AP3B2: variants seen among roughly 807,000 people sequenced by gnomAD.
AP3B2 encodes adaptor related protein complex 3 subunit beta 2.
AP3B2 carries 50 observed loss-of-function variants against 126.9 expected under a neutral mutation model. The ratio of observed to expected loss-of-function variants is 0.39; its 90% CI spans 0.31 to 0.50. The LOEUF is 0.50. Ranked by LOEUF, AP3B2 falls within the 20% of genes least tolerant of loss-of-function variation. AP3B2 has a pLI of 0.79. For missense variants in AP3B2, 1,177 were observed against 1,426.4 expected (o/e 0.83, Z 2.82); for synonymous variants, 541 against 565.0 (o/e 0.96, Z 0.60).
chr15:82,663,873 G>A lies in AP3B2; in HGVS notation c.2364C>T (p.Ser788=). 1.2e-6 allele frequency: 2 copies of A among 1,613,850 alleles called. No individual in the cohort carries two copies. Among genetic ancestry groups the A allele is most frequent in the Non-Finnish European group, 1.7e-6 (2 of 1,179,878 alleles). ...SSDEGSDSSS[S]SSESEMTSES... is the part of the protein sequence containing the mutation. ...CCGATGTCATCTCGGACTCTGATGA[G>A]CTACTGCTGGAATCGCTGCCCTCAT... The change falls in exon 20 of 27, where the codon AGC becomes AGT. Residue 788 remains serine (S), a synonymous_variant. Transcript: ENST00000535359.
At position 82,662,243 on chromosome 15, in the gene AP3B2, G is replaced by A. The variant is rs749084932; in HGVS notation, c.2843C>T (p.Ala948Val). 8.8e-6 allele frequency: 14 copies of A among 1,597,094 alleles called. No individual in the cohort carries two copies. Among genetic ancestry groups the A allele is most frequent in the Non-Finnish European group, 1.2e-5 (14 of 1,171,298 alleles). The change falls in exon 24 of 27, where the codon GCA (alanine) becomes GTA (valine). Residue 948 changes from alanine (A) to valine (V), a missense_variant. Coordinates refer to ENST00000535359, the MANE Select transcript of AP3B2 (RefSeq NM_001278512.2). ...TACAGCAGTGGCAGATTCTCCAGGT[G>A]CCAGGGACTCTGAAGTGGTATAAGG... The part of the protein sequence containing the change: ...IQEFPEIESL[A>V]PGESATAVMG...
Position 82,678,116 on chromosome 15 carries a change from G to A in AP3B2, c.1234C>T (p.Arg412Trp), listed in dbSNP as rs759502011. 38 of 1,613,844 alleles carry A rather than the reference G, an allele frequency of 2.4e-5. No individual in the cohort carries two copies. The highest frequency in any genetic ancestry group is 5.3e-5 in the African/African-American group (4 of 75,062). The change falls in exon 11 of 27, where the codon CGG becomes TGG. Residue 412 changes from arginine (R) to tryptophan (W), a missense_variant. Arg to Trp is a moderately radical substitution (Grantham distance 101, BLOSUM62 -3). This residue lies in a region of AP3B2 where 308 missense variants were observed against 452.4 expected (regional missense o/e 0.68). Transcript: ENST00000535359. ...ANETNIPTVL[R>W]EFQTYIRSMD... ...GAGCTGGCCTGTACCTGGAATTCCC[G>A]TAGGACAGTAGGAATGTTGGTCTCA... is the stretch of plus-strand genomic sequence containing the variant.
chr15:82,669,683 T>G (rs1187760029), intron 14 of AP3B2, among the ~76,000 whole-genome samples: 1 of 110,252 alleles, frequency 9.1e-6, no homozygotes, highest in Non-Finnish European at 1.9e-5. Flanking sequence ...AGAGCAAGAC[T>G]CCGTTTCAAA....
chr15:82,696,256 T>C (rs570504684), intron 1 of AP3B2, among the ~76,000 whole-genome samples: 7 of 152,170 alleles, frequency 4.6e-5, no homozygotes, highest in African/African-American at 1.4e-4. Context: ...AGGAAAAATA[T>C]TTGGGATATG....
At chr15:82,690,642 CTTTTTTTTTTTTTTTT>C (rs147811093) in intron 1 of AP3B2, among the ~76,000 whole-genome samples, 2 of 68,928 alleles carry the variant, frequency 2.9e-5, no homozygotes, top group African/African-American at 1.3e-4. Context: ...TTTTCTTCTT[CTTTTTTTTTTTTTTTT>C]TTTTTTTTTT....
At position 82,707,799 on chromosome 15, in the gene AP3B2, A is replaced by T. The variant is rs565026590; in HGVS notation, c.113+1795T>A. 7.2e-5 allele frequency among the ~76,000 whole-genome samples: 11 copies of T among 152,152 alleles called. No homozygotes were observed. The South Asian group carries it at 2.3e-3, about 32-fold the overall frequency. On this transcript the variant is annotated intron_variant, in intron 1 of 26. Transcript: ENST00000535359. The stretch of plus-strand genomic sequence containing the variant: ...CATCACCAATAATCCTATACAACAA[A>T]TGTTTCTTCTAACAACCCCACAATA...
chr15:82,682,500 T>G (rs1225732326), intron 4 of AP3B2, among the ~76,000 whole-genome samples: 1 of 152,148 alleles, frequency 6.6e-6, no homozygotes, highest in Non-Finnish European at 1.5e-5. Flanking sequence ...GGAGATATTG[T>G]GGGTTTGATT....
chr15:82,692,282 G>C lies in AP3B2; in HGVS notation c.114-2829C>G, dbSNP rs191718550. 1.8e-5 allele frequency: 13 copies of C among 741,508 alleles called. No individual in the cohort carries two copies. In the East Asian group the frequency reaches 3.7e-4, roughly 21 times the overall value. 45.9% of individuals were successfully genotyped at this position (741,508 alleles called of 1,614,324 possible). A position where few individuals can be genotyped will look rare whatever the true frequency, so the allele number is the denominator to read the frequency against. ...TCTTGCGGATCCGGCCGTACTTGTA[G>C]AAAAGGTCTTCCACGTCCTTCTCGC... On this transcript the variant is annotated intron_variant, in intron 1 of 26. Coordinates refer to ENST00000535359, the MANE Select transcript of AP3B2 (RefSeq NM_001278512.2).
Position 82,681,103 on chromosome 15 carries a change from T to C in AP3B2, c.588+9A>G, listed in dbSNP as rs768903058. On this transcript the variant is annotated intron_variant, in intron 6 of 26. Coordinates refer to ENST00000535359, the MANE Select transcript of AP3B2 (RefSeq NM_001278512.2). The surrounding 1 kb of genome is among the most constrained non-coding windows in gnomAD (Gnocchi z 4.0). ...CACCACCCCTCCCGGAGCGCCCCTA[T>C]ACACGCACCGTGGTCTTGTCAGCCA... is the stretch of plus-strand genomic sequence containing the variant. 2.5e-6 allele frequency: 4 copies of C among 1,613,488 alleles called. No individual in the cohort carries two copies. The highest frequency in any genetic ancestry group is 3.4e-6 in the Non-Finnish European group (4 of 1,179,774).
chr15:82,669,247 A>G (rs2048109110), intron 14 of AP3B2, among the ~76,000 whole-genome samples: 1 of 152,256 alleles, frequency 6.6e-6, no homozygotes, highest in African/African-American at 2.4e-5. Flanking sequence ...GACAGGAGAA[A>G]GAAATAAAGG....
chr15:82,685,471 C>T (rs1357903549), intron 4 of AP3B2: 1 of 152,200 alleles, frequency 6.6e-6, no homozygotes, highest in Non-Finnish European at 1.5e-5. Flanking sequence ...AGACAAGATC[C>T]TCACAATTGC....
intron 13 of AP3B2, among the ~76,000 whole-genome samples, 165 bp downstream of exon 13, chr15:82,677,107 CAG>C (rs1372056952): frequency 2.0e-5 from 3 of 152,190 alleles, no homozygotes; most frequent in Admixed American, 2.0e-4. Context: ...GAAAGCAAAT[CAG>C]GGGTAACAAG....
Position 82,662,874 on chromosome 15 carries a change from C to T in AP3B2, c.2653G>A (p.Val885Ile). The T allele has an allele frequency of 9.9e-6, 16 of 1,613,598 alleles. No homozygotes were observed. Among genetic ancestry groups the T allele is most frequent in the Non-Finnish European group, 1.4e-5 (16 of 1,179,788 alleles). The change falls in exon 23 of 27, where the codon GTA becomes ATA. Residue 885 changes from valine (V) to isoleucine (I), a missense_variant. By Grantham distance (29) the Val-to-Ile change is conservative. Around this residue, in one of 5 missense-constraint regions of AP3B2, gnomAD observed 587 missense variants for 571.3 expected, o/e 1.03. Transcript: ENST00000535359. ...GVGRQELLHR[V>I]AGEGLAVDYT... ...TCCACAGCCAGCCCCTCGCCAGCTA[C>T]CCGGTGCAGCAGCTCCTGCCGCCCA...
chr15:82,679,215 C>T (rs773352260), intron 10 of AP3B2, among the ~76,000 whole-genome samples: 30 of 152,316 alleles, frequency 2.0e-4, no homozygotes, highest in African/African-American at 5.8e-4. Flanking sequence ...CCTCTGTCTC[C>T]CAGGTTCAGG....
intron 24 of AP3B2, 22 bp from the exon 25 acceptor site, chr15:82,661,944 G>A (rs756899101): frequency 1.6e-5 from 25 of 1,600,382 alleles, no homozygotes; most frequent in East Asian, 2.2e-5. Context: ...GGGAGGAAAC[G>A]GAGAAGAATT....
chr15:82,664,316 C>G lies in AP3B2; in HGVS notation c.2261+51G>C. 1 of 1,611,876 alleles carries G rather than the reference C, an allele frequency of 6.2e-7. No homozygotes were observed. The highest frequency in any genetic ancestry group is 8.5e-7 in the Non-Finnish European group (1 of 1,179,626). ...CTAAAGCTCAATGCTAGCCCTCTTT[C>G]CAGGAAAGCCCCCTGAACCCCACCA... On this transcript the variant is annotated intron_variant, in intron 19 of 26. Transcript: ENST00000535359. This position sits in a 1 kb window ranked among gnomAD's most constrained non-coding sequence, Gnocchi z 4.5.
At position 82,681,729 on chromosome 15, in the gene AP3B2, G is replaced by C; in HGVS notation, c.361-149C>G. 1.2e-6 allele frequency: 1 copy of C among 820,424 alleles called. No homozygotes were observed. The highest frequency in any genetic ancestry group is 1.9e-6 in the Non-Finnish European group (1 of 537,742). The allele number at this position is 820,424 out of a possible 1,614,324, so 50.8% of individuals were successfully genotyped here. On this transcript the variant is annotated intron_variant, in intron 4 of 26. Coordinates refer to ENST00000535359, the MANE Select transcript of AP3B2 (RefSeq NM_001278512.2). This position sits in a 1 kb window ranked among gnomAD's most constrained non-coding sequence, Gnocchi z 4.0. ...GAGCCTGGATGGTGTGCCAGTGATG[G>C]GTATCTGGGGGACACTTAATTTTGG...
Position 82,709,593 on chromosome 15 carries a change from C to G in AP3B2, c.113+1G>C. 6.7e-7 allele frequency: 1 copy of G among 1,499,080 alleles called. No homozygotes were observed. The highest frequency in any genetic ancestry group is 8.9e-7 in the Non-Finnish European group (1 of 1,124,316). The allele number at this position is 1,499,080 out of a possible 1,614,324, so 92.9% of individuals were successfully genotyped here. ...GCGAGCTTCCTGGCGGGCTCCCTCA[C>G]CGCTTGTAGTCGGAGGAGAAGATGC... On this transcript the variant is annotated splice_donor_variant, in intron 1 of 26. Transcript: ENST00000535359. LOFTEE classifies it high-confidence loss of function.
At chr15:82,699,732 C>G (rs1219308926) in intron 1 of AP3B2, 2 of 399,492 alleles carry the variant, frequency 5.0e-6, no homozygotes, top group East Asian at 7.1e-5. Context: ...GCCACCGAAG[C>G]TCCTCAGGCT....
Sources: gnomAD v4.1 joint callset for allele counts (sites outside exome capture counted in the v4.1 genomes callset) on GRCh38, gnomAD v4.1.1 for gene constraint, gnomAD v4.1.1 regional missense constraint, Gnocchi (gnomAD v3.1) non-coding constraint, MANE v1.5 for transcripts, NCBI Gene and HGNC (gene_info 2026-07-23, HGNC 2026-07-21) for gene names.